The following MS4A6A variants were observed in gnomAD, a reference collection of about 807,000 sequenced individuals.
MS4A6A encodes membrane spanning 4-domains A6A, also known as membrane-spanning 4-domains subfamily A member 6A.
In MS4A6A, 19 loss-of-function variants were observed where a neutral mutation model predicts 20.6. The observed-to-expected ratio is 0.92, with a 90% confidence interval of 0.64 to 1.36. The LOEUF is 1.36. MS4A6A is among the 40% of genes most tolerant of loss of function. MS4A6A has a pLI of 0.00. For synonymous variants in MS4A6A, 108 were observed against 105.0 expected, an observed-to-expected ratio of 1.03 and a Z score of -0.17; for missense variants, 272 against 261.1, an observed-to-expected ratio of 1.04 and a Z score of -0.29.
At chr11:60,180,072 T>A in intron 2 of MS4A6A, 107 bp from the exon 3 acceptor site, 2 of 1,116,328 alleles carry the variant, frequency 1.8e-6, no homozygotes, top group Non-Finnish European at 2.6e-6. Flanking sequence ...TGCAAGATCC[T>A]AATGAGGATA....
At chr11:60,183,776 C>A (rs574120280), upstream of MS4A6A, 1 of 152,478 alleles carries the variant, frequency 6.6e-6, no homozygotes, top group African/African-American at 2.4e-5. Context: ...CAGATCTTTG[C>A]CCTCCAGAAA....
intron 5 of MS4A6A, 105 bp downstream of exon 5, chr11:60,175,297 G>T: frequency 3.2e-6 from 3 of 943,324 alleles, no homozygotes; most frequent in Non-Finnish European, 3.1e-6. Context: ...TCCCCCAGAT[G>T]CCCAAACCAG....
At chr11:60,180,956 G>A (rs1034885122) in intron 2 of MS4A6A, 3 of 430,976 alleles carry the variant, frequency 7.0e-6, no homozygotes, top group Non-Finnish European at 1.4e-5. Flanking sequence ...CTGAAATCCA[G>A]TCAAACAGAG....
Position 60,175,391 on chromosome 11 carries a change from A to G in MS4A6A, c.549+11T>C, listed in dbSNP as rs1325108421. On this transcript the variant is annotated intron_variant, in intron 5 of 5. Coordinates refer to ENST00000528851, the MANE Select transcript of MS4A6A (RefSeq NM_022349.4). ...TCATAAGATTAGAACATCCCATCTA[A>G]AAATACTTACAGCCAGACTGGCTTT... The G allele has an allele frequency of 1.2e-6, 2 of 1,603,928 alleles. No individual in the cohort carries two copies. The highest frequency in any genetic ancestry group is 2.7e-5 in the African/African-American group (2 of 74,714).
downstream of MS4A6A, among the ~76,000 whole-genome samples, chr11:60,171,834 T>G (rs610932): frequency 0.57 from 86,929 of 151,962 alleles, 25,145 homozygotes; most frequent in Admixed American, 0.65. Flanking sequence ...GAATGATCAT[T>G]CTGTCTAGTT....
At position 60,179,809 on chromosome 11, in the gene MS4A6A, C is replaced by T; in HGVS notation, c.282+22G>A. The T allele has an allele frequency of 3.1e-6, 5 of 1,613,922 alleles. No homozygotes were observed. The South Asian group carries it at 5.5e-5, about 18-fold the overall frequency. On this transcript the variant is annotated intron_variant, in intron 3 of 5. Transcript: ENST00000528851. ...TCCTCCCCTCTTTGCCCCATCCTGCCCTCCTCAGAAACTCTACTCACAAAA... is the reference window on the plus strand; with the variant it reads ...TCCTCCCCTCTTTGCCCCATCCTGCTCTCCTCAGAAACTCTACTCACAAAA...
chr11:60,180,695 G>T, intron 2 of MS4A6A: 1 of 213,048 alleles, frequency 4.7e-6, no homozygotes, highest in Non-Finnish European at 9.5e-6. Flanking sequence ...TGTTCTACGT[G>T]TCCATGTGTT....
chr11:60,176,539 T>A (rs1856846070), intron 4 of MS4A6A, among the ~76,000 whole-genome samples: 1 of 151,916 alleles, frequency 6.6e-6, no homozygotes, highest in Admixed American at 6.6e-5. Flanking sequence ...GAGCTATAGT[T>A]ACAGGTAGGT....
chr11:60,181,446 G>A (rs1857128014), intron 2 of MS4A6A, 135 bp downstream of exon 2: 1 of 1,001,124 alleles, frequency 1.0e-6, no homozygotes, highest in Non-Finnish European at 1.5e-6. Flanking sequence ...TTTTCTCCAA[G>A]TGGCTTCTAC....
chr11:60,176,120 C>T (rs1341097992), intron 4 of MS4A6A, among the ~76,000 whole-genome samples: 1 of 152,174 alleles, frequency 6.6e-6, no homozygotes, highest in Admixed American at 6.5e-5. Flanking sequence ...CTCACTCTCG[C>T]CTGCCCATTG....
At chr11:60,183,204 A>G (rs2083833360), upstream of MS4A6A, 1 of 1,534,590 alleles carries the variant, frequency 6.5e-7, no homozygotes, top group African/African-American at 1.4e-5. Flanking sequence ...CAGTAAAACC[A>G]TGAAAAGAGC....
upstream of MS4A6A, chr11:60,183,163 C>T: frequency 6.5e-7 from 1 of 1,535,864 alleles, no homozygotes; most frequent in South Asian, 1.2e-5. Context: ...AATGTTCCTG[C>T]ACTTCCTTTT....
chr11:60,181,580 C>T lies in MS4A6A; in HGVS notation c.147+1G>A, dbSNP rs767219700. The T allele has an allele frequency of 6.2e-7, 1 of 1,613,830 alleles. No individual in the cohort carries two copies. Among genetic ancestry groups the T allele is most frequent in the African/African-American group, 1.3e-5 (1 of 74,892 alleles). On this transcript the variant is annotated splice_donor_variant, in intron 2 of 5. Coordinates refer to ENST00000528851, the MANE Select transcript of MS4A6A (RefSeq NM_022349.4). LOFTEE classifies it high-confidence loss of function. Reference sequence around the variant, plus strand: ...TCCAACACGTTCTGAATTAGATTTACCCCAATAACTTTGATTTCTGCGTGT... The same window carrying T: ...TCCAACACGTTCTGAATTAGATTTATCCCAATAACTTTGATTTCTGCGTGT...
chr11:60,180,227 C>G (rs1857062053), intron 2 of MS4A6A: 1 of 495,036 alleles, frequency 2.0e-6, no homozygotes, highest in Non-Finnish European at 3.6e-6. Flanking sequence ...CTGGTCTGCT[C>G]ATGAGACTTG....
chr11:60,171,816 G>A (rs1269481275), downstream of MS4A6A, among the ~76,000 whole-genome samples: 2 of 152,150 alleles, frequency 1.3e-5, no homozygotes, highest in African/African-American at 4.8e-5. Context: ...GCTTCACTGT[G>A]ATCCATTGAA....
chr11:60,183,472 A>C (rs2083840579), upstream of MS4A6A: 1 of 357,812 alleles, frequency 2.8e-6, no homozygotes, highest in East Asian at 5.4e-5. Flanking sequence ...CATAATATAG[A>C]GAAAGAACAA....
chr11:60,181,494 C>G (rs1857130657), intron 2 of MS4A6A, 87 bp downstream of exon 2: 1 of 1,548,816 alleles, frequency 6.5e-7, no homozygotes, highest in Admixed American at 1.8e-5. Flanking sequence ...GGTCTCCACA[C>G]TCACGACAGA....
At chr11:60,172,290 A>AC (rs780981327), downstream of MS4A6A, 110 of 1,605,880 alleles carry the variant, frequency 6.8e-5, no homozygotes, top group Non-Finnish European at 8.7e-5. Context: ...TTCAGACTTC[A>AC]ATCAGGTTCA....
chr11:60,178,964 A>G (rs898823773), intron 3 of MS4A6A: 2 of 280,562 alleles, frequency 7.1e-6, no homozygotes, highest in African/African-American at 4.6e-5. Context: ...CCCTGAGGAG[A>G]CATCATGACA....
Sources: allele counts gnomAD v4.1 joint callset (sites outside exome capture counted in the v4.1 genomes callset), GRCh38; gene constraint gnomAD v4.1.1; transcripts MANE v1.5; gene names NCBI Gene and HGNC (gene_info 2026-07-23, HGNC 2026-07-21).